Variants in CCDC38 observed in about 807,000 individuals in gnomAD.
CCDC38 encodes coiled-coil domain containing 38, also known as coiled-coil domain-containing protein 38.
Under a neutral mutation model 72.8 loss-of-function variants are expected in CCDC38, and 69 were observed. That is an observed-to-expected ratio of 0.95 (90% CI 0.78 to 1.16). The LOEUF is 1.16. CCDC38 is among the 50% of genes most tolerant of loss of function. CCDC38 has a pLI of 0.00. For synonymous variants in CCDC38, 201 were observed against 213.2 expected (o/e 0.94, Z 0.50); for missense variants, 626 against 638.9 (o/e 0.98, Z 0.22).
At chr12:95,915,665 C>T (rs1294572237) in intron 4 of CCDC38, among the ~76,000 whole-genome samples, 3 of 152,218 alleles carry the variant, frequency 2.0e-5, no homozygotes, top group Non-Finnish European at 1.5e-5. Context: ...TCACTCAAAT[C>T]AGCTCCTGAT....
chr12:95,899,383 G>A (rs899618516), intron 5 of CCDC38, among the ~76,000 whole-genome samples: 7 of 152,064 alleles, frequency 4.6e-5, no homozygotes, highest in Admixed American at 1.3e-4. Context: ...CTGCAGCTTT[G>A]ACCACCCAGG....
At position 95,878,299 on chromosome 12, in the gene CCDC38, G is replaced by A. The variant is rs1315533927; in HGVS notation, c.1190C>T (p.Ala397Val). 3 of 1,613,292 alleles carry A rather than the reference G, an allele frequency of 1.9e-6. No homozygotes were observed. The highest frequency in any genetic ancestry group is 2.2e-5 in the South Asian group (2 of 91,068). ...TTTCTCTTCTTCTCTCACACAGTTA[G>A]CTTTAAGCATTTTTTCTTGCTCCAA... ...FLLEQEKMLK[A>V]NCVREEEKAA... is the part of the protein sequence containing the mutation. The change falls in exon 13 of 16, where the codon GCT becomes GTT. Residue 397 changes from alanine to valine, a missense_variant. Ala to Val is a moderately conservative substitution (Grantham distance 64, BLOSUM62 0). Coordinates refer to ENST00000344280, the MANE Select transcript of CCDC38 (RefSeq NM_182496.3).
At chr12:95,942,213 C>T (rs902532231) in intron 1 of CCDC38, among the ~76,000 whole-genome samples, 2 of 152,084 alleles carry the variant, frequency 1.3e-5, no homozygotes, top group African/African-American at 2.4e-5. Context: ...CATGAATAAA[C>T]GAAATCAAGT....
chr12:95,883,164 C>G (rs1002827957), intron 10 of CCDC38, among the ~76,000 whole-genome samples: 2 of 152,196 alleles, frequency 1.3e-5, no homozygotes, highest in Non-Finnish European at 2.9e-5. Context: ...ATCTCTCTCA[C>G]CTGAATTGTG....
intron 10 of CCDC38, chr12:95,885,302 C>A (rs2079747117): frequency 6.5e-6 from 1 of 154,342 alleles, no homozygotes; most frequent in African/African-American, 2.4e-5. Context: ...GCAGCAATGA[C>A]TGAGTTGACT....
At chr12:95,915,593 T>C (rs1332378758) in intron 4 of CCDC38, among the ~76,000 whole-genome samples, 1 of 152,072 alleles carries the variant, frequency 6.6e-6, no homozygotes, top group East Asian at 1.9e-4. Flanking sequence ...CATTTTGCTT[T>C]CATGTAGGTT....
chr12:95,908,795 C>T (rs1005295446), intron 4 of CCDC38, among the ~76,000 whole-genome samples: 1 of 151,734 alleles, frequency 6.6e-6, no homozygotes, highest in African/African-American at 2.4e-5. Flanking sequence ...CATACCAAAG[C>T]TCTTAGGCAA....
chr12:95,907,838 C>G (rs1032195109), intron 4 of CCDC38, among the ~76,000 whole-genome samples: 39 of 149,560 alleles, frequency 2.6e-4, no homozygotes, highest in Non-Finnish European at 5.2e-4. Context: ...ACATCTCAGA[C>G]GATGGGTGGC....
intron 5 of CCDC38, among the ~76,000 whole-genome samples, chr12:95,898,959 C>T (rs2079922758): frequency 6.6e-6 from 1 of 152,176 alleles, no homozygotes; most frequent in Admixed American, 6.5e-5. Context: ...TCCAAAAGGG[C>T]TCTGCCCTAC....
chr12:95,926,456 C>A (rs370889660), intron 2 of CCDC38, among the ~76,000 whole-genome samples: 1 of 150,348 alleles, frequency 6.7e-6, no homozygotes, highest in Non-Finnish European at 1.5e-5. Context: ...GTCTTGCTAG[C>A]GGTCTATCAA....
At chr12:95,919,250 T>C (rs772148609) in intron 2 of CCDC38, among the ~76,000 whole-genome samples, 15 of 152,130 alleles carry the variant, frequency 9.9e-5, no homozygotes, top group Non-Finnish European at 2.1e-4. Flanking sequence ...AAAAGGGAAG[T>C]GAAGTACAGA....
chr12:95,925,869 G>C (rs1458523659), intron 2 of CCDC38, among the ~76,000 whole-genome samples: 32 of 145,194 alleles, frequency 2.2e-4, no homozygotes, highest in Non-Finnish European at 3.6e-4. Context: ...ATTGAACCAG[G>C]CTTGCATCCC....
At chr12:95,914,419 T>C (rs547997993) in intron 4 of CCDC38, among the ~76,000 whole-genome samples, 107 of 152,324 alleles carry the variant, frequency 7.0e-4, no homozygotes, top group African/African-American at 2.5e-3. Flanking sequence ...TGTGTACCTG[T>C]CACCTACTTC....
intron 13 of CCDC38, among the ~76,000 whole-genome samples, chr12:95,875,709 A>C (rs2079628505): frequency 6.6e-6 from 1 of 152,100 alleles, no homozygotes; most frequent in Admixed American, 6.5e-5. Context: ...CCCACATTTC[A>C]CATCTCTAGA....
chr12:95,902,320 A>G (rs561529643), intron 5 of CCDC38, among the ~76,000 whole-genome samples: 1 of 152,286 alleles, frequency 6.6e-6, no homozygotes. Context: ...AACAATGAAC[A>G]TATTCATCAC....
At chr12:95,888,595 G>A in intron 9 of CCDC38, 89 bp from the exon 10 acceptor site, 1 of 1,157,952 alleles carries the variant, frequency 8.6e-7, no homozygotes, top group Non-Finnish European at 1.3e-6. Flanking sequence ...CCGTGCACTT[G>A]GTGCAAGGTA....
At chr12:95,938,725 T>C (rs1051501556) in intron 1 of CCDC38, among the ~76,000 whole-genome samples, 8 of 152,228 alleles carry the variant, frequency 5.3e-5, no homozygotes, top group Admixed American at 5.2e-4. Flanking sequence ...CAGTTATTGT[T>C]AGGAAGGGAT....
chr12:95,921,179 G>C (rs902011028), intron 2 of CCDC38, among the ~76,000 whole-genome samples: 1 of 151,382 alleles, frequency 6.6e-6, no homozygotes, highest in African/African-American at 2.4e-5. Flanking sequence ...TTGAATTTCT[G>C]CATGGACTTC....
chr12:95,871,681 G>GAGTGCATGTTGAGGAATAAATC (rs1555226210), intron 14 of CCDC38, among the ~76,000 whole-genome samples: 2 of 151,592 alleles, frequency 1.3e-5, no homozygotes, highest in Non-Finnish European at 2.9e-5. Context: ...AGGAATAAAT[G>GAGTGCATGTTGAGGAATAAATC]AGTGAATGTT....
Sources: allele counts gnomAD v4.1 joint callset (sites outside exome capture counted in the v4.1 genomes callset), GRCh38; gene constraint gnomAD v4.1.1; transcripts MANE v1.5; gene names NCBI Gene and HGNC (gene_info 2026-07-23, HGNC 2026-07-21).